The following POU2F1 variants were observed in gnomAD, a reference collection of about 807,000 sequenced individuals.
POU2F1 encodes the protein POU domain, class 2, transcription factor 1.
POU2F1 carries 16 observed loss-of-function variants against 84.9 expected under a neutral mutation model. The ratio of observed to expected loss-of-function variants is 0.19; its 90% CI spans 0.13 to 0.29. POU2F1 has a LOEUF of 0.29. Among genes scored for constraint, POU2F1 ranks in the 10% least tolerant of loss-of-function variants. The pLI, the probability that POU2F1 is intolerant of heterozygous loss-of-function variation, is 1.00. For missense variants in POU2F1, 738 were observed against 942.6 expected (o/e 0.78, Z 2.84); for synonymous variants, 368 against 368.3 (o/e 1.00, Z 0.01).
At position 167,264,670 on chromosome 1, in the gene POU2F1, G is replaced by A. The variant is rs188293288; in HGVS notation, c.61+43712G>A. 1.2e-4 allele frequency among the ~76,000 whole-genome samples: 19 copies of A among 152,100 alleles called. No homozygotes were observed. The East Asian group carries it at 3.7e-3, about 29-fold the overall frequency. Reference sequence around the variant, plus strand: ...CCTGGTATAAATCTCATTTGAATTAGCTAGTCTCAGCTTCCACCCTTCCAG... The same window carrying A: ...CCTGGTATAAATCTCATTTGAATTAACTAGTCTCAGCTTCCACCCTTCCAG... On this transcript the variant is annotated intron_variant, in intron 1 of 15. Transcript: ENST00000367866.
intron 9 of POU2F1, among the ~76,000 whole-genome samples, chr1:167,394,069 A>G (rs1274115515): frequency 1.3e-5 from 2 of 151,784 alleles, no homozygotes; most frequent in East Asian, 3.9e-4. Context: ...CCCAGGCTGG[A>G]GTGCAGTGGC....
chr1:167,418,715 C>T lies in POU2F1; in HGVS notation c.*2905C>T, dbSNP rs1650459961. ...GATCCCTTTCCCAAACAAAACTCAC[C>T]AACAGACTTTAATATTAGAAAAGAT... On this transcript the variant is annotated 3_prime_UTR_variant, in exon 16 of 16. Transcript: ENST00000367866. The T allele has an allele frequency of 6.6e-6, 1 of 152,136 alleles. No homozygotes were observed. Among genetic ancestry groups the T allele is most frequent in the East Asian group, 1.9e-4 (1 of 5,178 alleles). The allele number at this position is 152,136 out of a possible 1,614,324, so 9.4% of individuals were successfully genotyped here.
chr1:167,323,040 G>T (rs937655031), intron 1 of POU2F1, among the ~76,000 whole-genome samples: 1 of 152,150 alleles, frequency 6.6e-6, no homozygotes, highest in Non-Finnish European at 1.5e-5. Context: ...CCATTTTGGG[G>T]GCCTGTCTAT....
At chr1:167,349,191 A>C (rs1185487207) in intron 2 of POU2F1, among the ~76,000 whole-genome samples, 1 of 151,974 alleles carries the variant, frequency 6.6e-6, no homozygotes, top group East Asian at 1.9e-4. Context: ...AATTAATTCC[A>C]TCTCATCCTC....
chr1:167,408,899 T>A (rs188219069), intron 13 of POU2F1, among the ~76,000 whole-genome samples: 132 of 152,376 alleles, frequency 8.7e-4, no homozygotes, highest in African/African-American at 3.0e-3. Context: ...CTAAGTTGTT[T>A]ATATTCTTAC....
chr1:167,320,761 T>C (rs1198928738), intron 1 of POU2F1, among the ~76,000 whole-genome samples: 1 of 152,230 alleles, frequency 6.6e-6, no homozygotes, highest in Non-Finnish European at 1.5e-5. Flanking sequence ...CTTCTCTGGA[T>C]CTATTCTATT....
At chr1:167,271,615 T>C (rs1411180330) in intron 1 of POU2F1, among the ~76,000 whole-genome samples, 1 of 152,172 alleles carries the variant, frequency 6.6e-6, no homozygotes, top group Non-Finnish European at 1.5e-5. Context: ...ACATTCAAGC[T>C]GTGCCCTGGG....
intron 2 of POU2F1, among the ~76,000 whole-genome samples, chr1:167,350,919 A>G (rs1017709662): frequency 6.6e-6 from 1 of 151,382 alleles, no homozygotes; most frequent in African/African-American, 2.4e-5. Flanking sequence ...AATCGCTTGA[A>G]CCCGGGAGGC....
chr1:167,237,766 A>AAATT (rs1557836583), intron 1 of POU2F1, among the ~76,000 whole-genome samples: 1 of 58,034 alleles, frequency 1.7e-5, no homozygotes, highest in Non-Finnish European at 3.3e-5. Flanking sequence ...ATATATATAT[A>AAATT]TATATATTTT....
chr1:167,325,759 G>A (rs1656658649), intron 1 of POU2F1, among the ~76,000 whole-genome samples: 1 of 151,816 alleles, frequency 6.6e-6, no homozygotes, highest in Non-Finnish European at 1.5e-5. Context: ...CTTGGTGGCA[G>A]GCGCCTGTAA....
At chr1:167,317,752 A>G (rs895130390) in intron 1 of POU2F1, among the ~76,000 whole-genome samples, 2 of 152,186 alleles carry the variant, frequency 1.3e-5, no homozygotes, top group Non-Finnish European at 2.9e-5. Context: ...TTGGCATCAT[A>G]GCCATCACAA....
intron 1 of POU2F1, among the ~76,000 whole-genome samples, chr1:167,261,999 T>C (rs1396707981): frequency 6.6e-6 from 1 of 152,212 alleles, no homozygotes; most frequent in African/African-American, 2.4e-5. Flanking sequence ...TTATGTTTGA[T>C]AACACTTTTG....
chr1:167,404,121 G>GC (rs140748347), intron 13 of POU2F1, among the ~76,000 whole-genome samples: 3,749 of 151,652 alleles, frequency 0.025, 148 homozygotes, highest in African/African-American at 0.084. Context: ...GCCCTCATTG[G>GC]CCTTCAGCAA....
intron 1 of POU2F1, among the ~76,000 whole-genome samples, chr1:167,237,744 GTGTATATATATATA>G (rs1422117047): frequency 5.4e-5 from 1 of 18,518 alleles, no homozygotes; most frequent in African/African-American, 9.6e-5. Flanking sequence ...ATATGTGTGT[GTGTATATATATATA>G]TATATATATA....
intron 1 of POU2F1, among the ~76,000 whole-genome samples, chr1:167,237,899 C>T (rs1649623566): frequency 6.7e-6 from 1 of 149,716 alleles, no homozygotes; most frequent in South Asian, 2.1e-4. Flanking sequence ...CCTGCTTCAG[C>T]CTCCCGAGTA....
At chr1:167,364,241 G>A (rs1049815730) in intron 2 of POU2F1, among the ~76,000 whole-genome samples, 1 of 152,222 alleles carries the variant, frequency 6.6e-6, no homozygotes, top group East Asian at 1.9e-4. Flanking sequence ...CACAGCAGAA[G>A]TGGTTAAAAA....
chr1:167,314,748 T>C (rs1655757618), intron 1 of POU2F1, among the ~76,000 whole-genome samples: 1 of 152,192 alleles, frequency 6.6e-6, no homozygotes, highest in Admixed American at 6.5e-5. Flanking sequence ...AACTCCAGCC[T>C]GGGTGACAAA....
intron 1 of POU2F1, among the ~76,000 whole-genome samples, chr1:167,294,993 G>A (rs1027002307): frequency 9.9e-5 from 15 of 151,990 alleles, no homozygotes; most frequent in Admixed American, 9.2e-4. Flanking sequence ...AATTAGCCGG[G>A]TGTGGTAGAG....
At chr1:167,298,015 A>G (rs1449025354) in intron 1 of POU2F1, among the ~76,000 whole-genome samples, 3 of 152,048 alleles carry the variant, frequency 2.0e-5, no homozygotes, top group Non-Finnish European at 4.4e-5. Flanking sequence ...AATCCCAACT[A>G]CTTGGGAGGC....
Sources: gnomAD v4.1 joint callset for allele counts (sites outside exome capture counted in the v4.1 genomes callset) on GRCh38, gnomAD v4.1.1 for gene constraint, MANE v1.5 for transcripts, NCBI Gene and HGNC (gene_info 2026-07-23, HGNC 2026-07-21) for gene names.